Variants in EYA2 observed in about 807,000 individuals in gnomAD.
EYA2 encodes the protein EYA transcriptional coactivator and phosphatase 2.
Under a neutral mutation model 69.2 loss-of-function variants are expected in EYA2, and 31 were observed. That is an observed-to-expected ratio of 0.45 (90% confidence interval 0.34 to 0.60). The LOEUF is 0.60. Ranked by LOEUF, EYA2 falls within the 20% of genes least tolerant of loss-of-function variation. The probability of loss-of-function intolerance (pLI) is 0.02; values close to 1 mark genes in which losing one functional copy is unlikely to be tolerated. For missense variants in EYA2, 622 were observed against 701.2 expected, an observed-to-expected ratio of 0.89 and a Z score of 1.28; for synonymous variants, 257 against 279.4, an observed-to-expected ratio of 0.92 and a Z score of 0.80.
chr20:46,954,542 C>T (rs188135342), intron 1 of EYA2, among the ~76,000 whole-genome samples: 44 of 152,368 alleles, frequency 2.9e-4, no homozygotes, highest in African/African-American at 7.5e-4. Flanking sequence ...AGCTCGCTCT[C>T]TTTGAGGGAA....
At chr20:47,052,384 G>A (rs1004478945) in intron 5 of EYA2, among the ~76,000 whole-genome samples, 1 of 152,132 alleles carries the variant, frequency 6.6e-6, no homozygotes, top group African/African-American at 2.4e-5. Context: ...CCCCACCTGT[G>A]GTCCTGGCAG....
At chr20:47,145,275 T>C (rs2033676756) in intron 10 of EYA2, among the ~76,000 whole-genome samples, 1 of 152,140 alleles carries the variant, frequency 6.6e-6, no homozygotes, top group South Asian at 2.1e-4. Context: ...CTTAAGGCAG[T>C]AGCACTTGAA....
rs370944686 is a variant in EYA2, at chr20:47,166,393, TAAAAAAAAAAAAAA to T, written c.979-2721_979-2708del. ...GCTTGGGTGACAGAGCAAGACTGTC[TAAAAAAAAAAAAAA>T]AAAAAAAAAAAAAAAAAAAAAAAAG... On this transcript the variant is annotated intron_variant, in intron 10 of 15. Transcript: ENST00000327619. Among the ~76,000 whole-genome samples, 51 of 34,518 alleles carry T rather than the reference TAAAAAAAAAAAAAA, an allele frequency of 1.5e-3. 1 individual carries two copies. Among genetic ancestry groups the T allele is most frequent in the East Asian group, 6.9e-3 (9 of 1,308 alleles). 22.6% of individuals were successfully genotyped at this position (34,518 alleles called of 152,430 possible).
At chr20:46,944,194 G>C (rs577977569) in intron 1 of EYA2, among the ~76,000 whole-genome samples, 6 of 152,316 alleles carry the variant, frequency 3.9e-5, no homozygotes, top group Non-Finnish European at 8.8e-5. Context: ...GGATGTCATG[G>C]TCCTGTTTTG....
chr20:46,967,401 CA>C (rs1183077500), intron 1 of EYA2, among the ~76,000 whole-genome samples: 1 of 152,228 alleles, frequency 6.6e-6, no homozygotes, highest in African/African-American at 2.4e-5. Context: ...ATTAAATACT[CA>C]GCTGTTAATT....
At chr20:47,076,279 T>TTC (rs2031514503) in intron 7 of EYA2, among the ~76,000 whole-genome samples, 1 of 152,250 alleles carries the variant, frequency 6.6e-6, no homozygotes, top group Non-Finnish European at 1.5e-5. Context: ...TGAGAAATCT[T>TTC]CAGGCCGCTT....
rs142246718 is a variant in EYA2, at chr20:46,906,949, T to G, written c.-11+11962T>G. Reference sequence around the variant, plus strand: ...TTTCTTACAAGGATGTATTTGCGTATTCCATTATCTTTAGGGTACAGTACA... The same window carrying G: ...TTTCTTACAAGGATGTATTTGCGTAGTCCATTATCTTTAGGGTACAGTACA... On this transcript the variant is annotated intron_variant, in intron 1 of 15. Coordinates refer to ENST00000327619, the MANE Select transcript of EYA2 (RefSeq NM_005244.5). Among the ~76,000 whole-genome samples the G allele has an allele frequency of 2.0e-3, 299 of 152,352 alleles. 2 individuals are homozygous for G. Among genetic ancestry groups the G allele is most frequent in the African/African-American group, 6.9e-3 (286 of 41,578 alleles).
intron 10 of EYA2, chr20:47,161,083 T>G: frequency 3.2e-6 from 1 of 310,848 alleles, no homozygotes. Context: ...ATACCCGCCA[T>G]CAGCAGCAGC....
At chr20:47,003,737 C>T (rs958329849) in intron 3 of EYA2, among the ~76,000 whole-genome samples, 4 of 152,228 alleles carry the variant, frequency 2.6e-5, no homozygotes, top group African/African-American at 9.6e-5. Context: ...CTGACCTTGA[C>T]TTTATTTATT....
At chr20:46,951,118 G>A (rs530705625) in intron 1 of EYA2, among the ~76,000 whole-genome samples, 2 of 152,136 alleles carry the variant, frequency 1.3e-5, no homozygotes, top group African/African-American at 4.8e-5. Context: ...TTGCCGAAGG[G>A]ATTTAGGCAA....
intron 11 of EYA2, among the ~76,000 whole-genome samples, chr20:47,172,239 G>T (rs752672677): frequency 2.6e-5 from 4 of 152,098 alleles, no homozygotes; most frequent in Non-Finnish European, 4.4e-5. Flanking sequence ...TTCAAGAACA[G>T]CCCAGGCAAC....
At chr20:47,112,639 A>C (rs1227680449) in intron 9 of EYA2, among the ~76,000 whole-genome samples, 1 of 152,110 alleles carries the variant, frequency 6.6e-6, no homozygotes, top group Non-Finnish European at 1.5e-5. Flanking sequence ...GAGACTTCAA[A>C]ACTAGGCCAA....
chr20:47,044,412 C>T (rs555687298), intron 5 of EYA2, among the ~76,000 whole-genome samples: 2 of 152,140 alleles, frequency 1.3e-5, no homozygotes, highest in East Asian at 3.9e-4. Context: ...AGTCAATACT[C>T]ACAGTGAGAA....
chr20:47,146,310 C>T (rs774528087), intron 10 of EYA2, among the ~76,000 whole-genome samples: 7 of 152,092 alleles, frequency 4.6e-5, no homozygotes, highest in East Asian at 3.9e-4. Flanking sequence ...ATGGAATAGG[C>T]GCCTTGTGGA....
chr20:47,116,410 T>C (rs1167637799), intron 9 of EYA2, among the ~76,000 whole-genome samples: 2 of 152,120 alleles, frequency 1.3e-5, no homozygotes, highest in African/African-American at 4.8e-5. Flanking sequence ...ACTCCTGACC[T>C]CAGGTGATCC....
chr20:47,023,088 C>G (rs1159201529), intron 5 of EYA2, among the ~76,000 whole-genome samples: 1 of 152,026 alleles, frequency 6.6e-6, no homozygotes, highest in Admixed American at 6.5e-5. Flanking sequence ...TACACATTTA[C>G]CTAGTTCGGG....
At chr20:47,079,658 G>C (rs1459382870) in intron 7 of EYA2, among the ~76,000 whole-genome samples, 1 of 152,158 alleles carries the variant, frequency 6.6e-6, no homozygotes, top group Non-Finnish European at 1.5e-5. Flanking sequence ...AAACAACCTG[G>C]ATACCATGCC....
Position 47,063,177 on chromosome 20 carries a change from G to A in EYA2, c.416-9008G>A, listed in dbSNP as rs76965846. Reference sequence around the variant, plus strand: ...CCTCCAATTCCAACACATTTTCATCGCCCCAAAAGGAAACCCCATAACCTT... The same window carrying A: ...CCTCCAATTCCAACACATTTTCATCACCCCAAAAGGAAACCCCATAACCTT... On this transcript the variant is annotated intron_variant, in intron 5 of 15. Coordinates refer to ENST00000327619, the MANE Select transcript of EYA2 (RefSeq NM_005244.5). Among the ~76,000 whole-genome samples the A allele has an allele frequency of 4.6e-3, 694 of 152,012 alleles. 13 individuals are homozygous for A. The highest frequency in any genetic ancestry group is 0.016 in the African/African-American group (660 of 41,416).
chr20:46,947,848 G>A (rs1361816451), intron 1 of EYA2, among the ~76,000 whole-genome samples: 2 of 152,188 alleles, frequency 1.3e-5, no homozygotes, highest in African/African-American at 4.8e-5. Context: ...TGGGCATGGT[G>A]TCTCCTGCCT....
Sources: allele counts gnomAD v4.1 joint callset (sites outside exome capture counted in the v4.1 genomes callset), GRCh38; gene constraint gnomAD v4.1.1; transcripts MANE v1.5; gene names NCBI Gene and HGNC (gene_info 2026-07-23, HGNC 2026-07-21).